CPED1: variants seen among roughly 807,000 people sequenced by gnomAD.
CPED1 encodes cadherin-like and PC-esterase domain-containing protein 1.
A neutral mutation model predicts 128.2 loss-of-function variants in CPED1; 114 were observed. The ratio of observed to expected loss-of-function variants is 0.89; its 90% CI spans 0.76 to 1.04. The LOEUF is 1.04. Ranked by LOEUF, CPED1 falls within the 50% of genes least tolerant of loss-of-function variation. The pLI is 0.00. For missense variants in CPED1, 1,211 were observed against 1,207.1 expected, an observed-to-expected ratio of 1.00 and a Z score of -0.05; for synonymous variants, 462 against 426.7, an observed-to-expected ratio of 1.08 and a Z score of -1.02.
intron 22 of CPED1, among the ~76,000 whole-genome samples, chr7:121,286,847 G>T (rs144174425): frequency 6.6e-6 from 1 of 152,088 alleles, no homozygotes; most frequent in Non-Finnish European, 1.5e-5. Flanking sequence ...CTGAGACTGC[G>T]TAATTTATAA....
At chr7:121,036,029 A>G (rs984765775) in intron 3 of CPED1, among the ~76,000 whole-genome samples, 1 of 152,118 alleles carries the variant, frequency 6.6e-6, no homozygotes, top group African/African-American at 2.4e-5. Context: ...AGTTAAAACC[A>G]TATATGTCAA....
intron 7 of CPED1, 110 bp from the exon 8 acceptor site, chr7:121,124,221 G>A: frequency 2.2e-6 from 2 of 896,986 alleles, no homozygotes; most frequent in South Asian, 5.4e-5. Context: ...TGGGGTTTGG[G>A]TGTGACAAGT....
intron 22 of CPED1, among the ~76,000 whole-genome samples, chr7:121,292,682 G>A (rs1033480651): frequency 6.6e-6 from 1 of 152,114 alleles, no homozygotes; most frequent in Non-Finnish European, 1.5e-5. Context: ...TGATGTTGGT[G>A]ACCTTCGGAT....
chr7:121,168,023 G>A (rs1478685435), intron 16 of CPED1, among the ~76,000 whole-genome samples: 2 of 152,104 alleles, frequency 1.3e-5, no homozygotes, highest in African/African-American at 2.4e-5. Context: ...GTGAGCCACC[G>A]CTCCTGACCC....
At chr7:121,181,776 TAAAAC>T (rs1301983872) in intron 16 of CPED1, among the ~76,000 whole-genome samples, 3 of 152,004 alleles carry the variant, frequency 2.0e-5, no homozygotes, top group African/African-American at 7.2e-5. Context: ...ATAAGAAAAA[TAAAAC>T]AACACAGAGT....
intron 7 of CPED1, among the ~76,000 whole-genome samples, chr7:121,122,754 A>G (rs1374999371): frequency 6.6e-6 from 1 of 152,230 alleles, no homozygotes; most frequent in Non-Finnish European, 1.5e-5. Context: ...CCATATTTAA[A>G]TGCTCACTGC....
rs369521024 is a variant in CPED1, at chr7:121,271,332, G to A, written c.2770G>A (p.Ala924Thr). 18 of 1,612,046 alleles carry A rather than the reference G, an allele frequency of 1.1e-5. No homozygotes were observed. The highest frequency in any genetic ancestry group is 1.5e-5 in the Non-Finnish European group (18 of 1,178,686). The change falls in exon 22 of 23, where the codon GCA (alanine) becomes ACA (threonine). Residue 924 changes from alanine (A) to threonine (T), a missense_variant. Physicochemically the swap from Ala to Thr is moderately conservative, Grantham distance 58 (BLOSUM62 0). Coordinates refer to ENST00000310396, the MANE Select transcript of CPED1 (RefSeq NM_024913.5). The part of the protein sequence containing the change: ...WKENLIILDT[A>T]KKHGYEVVDT... Reference sequence around the variant, plus strand: ...AGAAAATTTGATTATTCTGGATACTGCAAAAAAACATGGCTATGAAGTAGT... The same window carrying A: ...AGAAAATTTGATTATTCTGGATACTACAAAAAAACATGGCTATGAAGTAGT...
intron 22 of CPED1, among the ~76,000 whole-genome samples, chr7:121,295,031 A>ATGTT (rs1430120037): frequency 6.6e-6 from 1 of 152,060 alleles, no homozygotes; most frequent in Non-Finnish European, 1.5e-5. Flanking sequence ...GAAGAGTGCC[A>ATGTT]TGACATGTTT....
At chr7:121,009,637 A>G (rs924417913) in intron 2 of CPED1, among the ~76,000 whole-genome samples, 1 of 149,524 alleles carries the variant, frequency 6.7e-6, no homozygotes, top group Non-Finnish European at 1.5e-5. Context: ...AGTTCACATT[A>G]GGTGAAAAGA....
At chr7:121,029,198 T>C (rs1792670363) in intron 3 of CPED1, among the ~76,000 whole-genome samples, 2 of 152,190 alleles carry the variant, frequency 1.3e-5, no homozygotes, top group African/African-American at 4.8e-5. Context: ...ACATTCCTAA[T>C]TATTTTTAGC....
At chr7:121,040,602 A>T (rs1793025294) in intron 3 of CPED1, among the ~76,000 whole-genome samples, 2 of 152,108 alleles carry the variant, frequency 1.3e-5, no homozygotes, top group Admixed American at 1.3e-4. Flanking sequence ...ACTAATCCTG[A>T]TAAAGGATGG....
intron 7 of CPED1, among the ~76,000 whole-genome samples, chr7:121,122,978 A>C (rs1318128301): frequency 2.0e-5 from 3 of 152,192 alleles, no homozygotes; most frequent in African/African-American, 7.2e-5. Context: ...CAACAATGTC[A>C]CACACAAACC....
intron 16 of CPED1, among the ~76,000 whole-genome samples, chr7:121,209,410 A>G (rs1355238467): frequency 6.6e-6 from 1 of 152,076 alleles, no homozygotes; most frequent in Non-Finnish European, 1.5e-5. Context: ...CATATAAGCA[A>G]TGTCAACTTG....
At chr7:121,186,184 C>T (rs1554634) in intron 16 of CPED1, among the ~76,000 whole-genome samples, 94,559 of 152,028 alleles carry the variant, frequency 0.62, 29,759 homozygotes, top group East Asian at 0.88. Context: ...GGGAGACAAA[C>T]TTGCAAATCT....
intron 16 of CPED1, 127 bp downstream of exon 16, chr7:121,142,268 A>T: frequency 1.1e-6 from 1 of 876,416 alleles, no homozygotes; most frequent in Admixed American, 2.5e-5. Context: ...GTCTCATTTC[A>T]AAAAAGTGAG....
intron 7 of CPED1, among the ~76,000 whole-genome samples, chr7:121,111,481 AATAG>A (rs1377701546): frequency 6.6e-6 from 1 of 152,156 alleles, no homozygotes; most frequent in African/African-American, 2.4e-5. Flanking sequence ...GTTATTTTCA[AATAG>A]ATGGTGCCTC....
chr7:121,199,337 T>A (rs1316779736), intron 16 of CPED1, among the ~76,000 whole-genome samples: 1 of 152,034 alleles, frequency 6.6e-6, no homozygotes, highest in Non-Finnish European at 1.5e-5. Context: ...GTCAACAGTG[T>A]TGAAAATATT....
At chr7:121,100,904 T>G (rs981230589) in intron 7 of CPED1, among the ~76,000 whole-genome samples, 1 of 152,114 alleles carries the variant, frequency 6.6e-6, no homozygotes, top group Non-Finnish European at 1.5e-5. Flanking sequence ...ATGAGCAAAT[T>G]TTAGAATTTA....
intron 16 of CPED1, among the ~76,000 whole-genome samples, chr7:121,199,799 C>A (rs776350153): frequency 6.6e-6 from 1 of 151,442 alleles, no homozygotes; most frequent in Non-Finnish European, 1.5e-5. Context: ...GAACCACATA[C>A]GTAATTTTAA....
Sources: allele counts gnomAD v4.1 joint callset (sites outside exome capture counted in the v4.1 genomes callset), GRCh38; gene constraint gnomAD v4.1.1; transcripts MANE v1.5; gene names NCBI Gene and HGNC (gene_info 2026-07-23, HGNC 2026-07-21).